The following UBXN11 variants were observed in gnomAD, a reference collection of about 807,000 sequenced individuals.
The protein encoded by UBXN11 is UBX domain-containing protein 11.
In UBXN11, 47 loss-of-function variants were observed where a neutral mutation model predicts 62.8. The ratio of observed to expected loss-of-function variants is 0.75; its 90% CI spans 0.59 to 0.95. UBXN11 has a LOEUF of 0.95. UBXN11 is among the 40% of genes least tolerant of loss of function. UBXN11 has a pLI of 0.00. For missense variants in UBXN11, 638 were observed against 661.7 expected, an observed-to-expected ratio of 0.96 and a Z score of 0.39; for synonymous variants, 294 against 267.0, an observed-to-expected ratio of 1.10 and a Z score of -0.99.
At chr1:26,301,120 G>A in intron 3 of UBXN11, 96 bp from the exon 4 acceptor site, 6 of 1,585,932 alleles carry the variant, frequency 3.8e-6, no homozygotes, top group Non-Finnish European at 5.1e-6. Flanking sequence ...CCTATGCACT[G>A]TGCCCCAGGG....
intron 1 of UBXN11, among the ~76,000 whole-genome samples, chr1:26,316,352 G>A (rs1022848761): frequency 5.3e-5 from 8 of 151,866 alleles, no homozygotes; most frequent in African/African-American, 1.5e-4. Context: ...GAGAAGTGAG[G>A]GGAGTTTTCC....
Position 26,282,492 on chromosome 1 carries a change from T to C in UBXN11, c.1370A>G (p.Gln457Arg), listed in dbSNP as rs1294840829. The C allele has an allele frequency of 1.2e-6, 2 of 1,607,098 alleles. No individual in the cohort carries two copies. The highest frequency in any genetic ancestry group is 1.7e-6 in the Non-Finnish European group (2 of 1,176,420). ...TGCTTTGGGCACAAGGCCTGCAGCC[T>C]GCAGCGTGAGTGTATCGTCCTGGTA... ...TLYQDDTLTL[Q>R]AAGLVPKAAL... Residue 457 changes from glutamine (Q) to arginine (R), a missense_variant, in exon 15 of 15, where the codon CAG becomes CGG. Coordinates refer to ENST00000374222, the MANE Select transcript of UBXN11 (RefSeq NM_001389556.1).
chr1:26,283,790 A>C (rs564750387), intron 12 of UBXN11, among the ~76,000 whole-genome samples: 2 of 152,326 alleles, frequency 1.3e-5, no homozygotes, highest in African/African-American at 4.8e-5. Flanking sequence ...ATAGGGAGCG[A>C]GGAGACAGAA....
intron 2 of UBXN11, 131 bp from the exon 3 acceptor site, chr1:26,301,853 G>T: frequency 1.6e-6 from 2 of 1,255,796 alleles, no homozygotes; most frequent in South Asian, 1.4e-5. Context: ...AACTCCTGAG[G>T]ACTTCCAGCC....
chr1:26,317,830 T>A, intron 1 of UBXN11: 2 of 587,736 alleles, frequency 3.4e-6, no homozygotes, highest in East Asian at 5.8e-5. Context: ...CCTGGTATTA[T>A]CCACCCCCAG....
At chr1:26,305,375 A>G (rs993464115) in intron 1 of UBXN11, among the ~76,000 whole-genome samples, 3 of 152,202 alleles carry the variant, frequency 2.0e-5, no homozygotes, top group African/African-American at 7.2e-5. Context: ...TCACCTTCTT[A>G]CAGTGTAATT....
intron 4 of UBXN11, among the ~76,000 whole-genome samples, chr1:26,300,304 C>T (rs1403270361): frequency 6.6e-6 from 1 of 152,202 alleles, no homozygotes; most frequent in Non-Finnish European, 1.5e-5. Flanking sequence ...GCCCACTTCA[C>T]AGAGGAGGCC....
At chr1:26,284,872 T>A in intron 10 of UBXN11, 1 of 1,013,468 alleles carries the variant, frequency 9.9e-7, no homozygotes. Flanking sequence ...AGCTCCGAGG[T>A]CCCCGCTGTG....
At position 26,282,294 on chromosome 1, in the gene UBXN11, G is replaced by T; in HGVS notation, c.*5C>A. On this transcript the variant is annotated 3_prime_UTR_variant, in exon 15 of 15. Transcript: ENST00000374222. Reference sequence around the variant, plus strand: ...GCGGAGCAGCGGGTTGAGGGGGCGGGTGCTTTATTGGGGGCTGGGACTGGG... The same window carrying T: ...GCGGAGCAGCGGGTTGAGGGGGCGGTTGCTTTATTGGGGGCTGGGACTGGG... The T allele has an allele frequency of 2.0e-6, 3 of 1,487,210 alleles. No individual in the cohort carries two copies. The highest frequency in any genetic ancestry group is 2.7e-6 in the Non-Finnish European group (3 of 1,121,780). The allele number at this position is 1,487,210 out of a possible 1,614,324, so 92.1% of individuals were successfully genotyped here. A position where few individuals can be genotyped will look rare whatever the true frequency, so the allele number is the denominator to read the frequency against.
intron 2 of UBXN11, among the ~76,000 whole-genome samples, chr1:26,302,485 T>C (rs2073562965): frequency 6.6e-6 from 1 of 151,882 alleles, no homozygotes; most frequent in African/African-American, 2.4e-5. Flanking sequence ...AGATTCCCTT[T>C]ACTGAACCCC....
intron 7 of UBXN11, among the ~76,000 whole-genome samples, chr1:26,296,032 T>C (rs1172520458): frequency 6.6e-6 from 1 of 152,212 alleles, no homozygotes; most frequent in African/African-American, 2.4e-5. Context: ...TCAGCTGCAA[T>C]TGGAGGTTTG....
At chr1:26,288,095 T>C (rs1199281338) in intron 8 of UBXN11, among the ~76,000 whole-genome samples, 1 of 151,946 alleles carries the variant, frequency 6.6e-6, no homozygotes, top group Non-Finnish European at 1.5e-5. Context: ...ATTGTAGAGA[T>C]GGGGTCTCGC....
upstream of UBXN11, chr1:26,306,842 T>TGGG (rs1201356841): frequency 3.4e-5 from 1 of 29,818 alleles, no homozygotes; most frequent in Non-Finnish European, 6.4e-5. Context: ...GGGGGGGGGG[T>TGGG]GGTTCGTTCC....
intron 8 of UBXN11, among the ~76,000 whole-genome samples, chr1:26,292,194 A>G (rs1161083901): frequency 6.6e-6 from 1 of 152,106 alleles, no homozygotes; most frequent in Non-Finnish European, 1.5e-5. Flanking sequence ...CCATCTGTGA[A>G]ATGGAGTAAC....
chr1:26,282,836 G>GGCCCTCACCTCCTCATCCC (rs750760102), intron 13 of UBXN11, 28 bp downstream of exon 13: 5 of 1,614,006 alleles, frequency 3.1e-6, no homozygotes, highest in Middle Eastern at 1.6e-4. Context: ...AACGCCCCCA[G>GGCCCTCACCTCCTCATCCC]GCCCTCACCT....
intron 5 of UBXN11, 52 bp from the exon 6 acceptor site, chr1:26,297,533 GC>G: frequency 6.7e-7 from 1 of 1,491,906 alleles, no homozygotes. Context: ...CCAGAGCCCT[GC>G]CCAGACAGGA....
At chr1:26,291,253 G>A (rs911998982) in intron 8 of UBXN11, among the ~76,000 whole-genome samples, 2 of 152,186 alleles carry the variant, frequency 1.3e-5, no homozygotes, top group South Asian at 2.1e-4. Flanking sequence ...GCCCCTGGGC[G>A]GAGCAGGGTG....
rs555660377 is a variant in UBXN11, at chr1:26,299,582, C to G, written c.199+1344G>C. The stretch of plus-strand genomic sequence containing the variant: ...GGTGATGACAGCTAAGAGACAGAGC[C>G]TAGAAGCAGAGGGTAATGGGAGGGC... On this transcript the variant is annotated intron_variant, in intron 4 of 14. Coordinates refer to ENST00000374222, the MANE Select transcript of UBXN11 (RefSeq NM_001389556.1). 1.8e-4 allele frequency among the ~76,000 whole-genome samples: 28 copies of G among 151,434 alleles called. 1 individual carries two copies. The highest frequency in any genetic ancestry group is 7.0e-3 in the Middle Eastern group (2 of 286).
At chr1:26,285,323 T>G (rs1358051327) in intron 10 of UBXN11, 141 bp downstream of exon 10, 1 of 1,499,102 alleles carries the variant, frequency 6.7e-7, no homozygotes, top group African/African-American at 1.4e-5. Flanking sequence ...GGCTTCAGAC[T>G]TATCCTCCTG....
Sources: allele counts gnomAD v4.1 joint callset (sites outside exome capture counted in the v4.1 genomes callset), GRCh38; gene constraint gnomAD v4.1.1; transcripts MANE v1.5; gene names NCBI Gene and HGNC (gene_info 2026-07-23, HGNC 2026-07-21).